ADGRB2: variants seen among roughly 807,000 people sequenced by gnomAD.
ADGRB2 encodes the protein adhesion G protein-coupled receptor B2.
Under a neutral mutation model 178.7 loss-of-function variants are expected in ADGRB2, and 47 were observed. That is an observed-to-expected ratio of 0.26 (90% CI 0.21 to 0.34). The LOEUF is 0.34. Ranked by LOEUF, ADGRB2 falls within the 10% of genes least tolerant of loss-of-function variation. ADGRB2 has a pLI of 1.00. For missense variants in ADGRB2, 1,584 were observed against 2,180.8 expected (o/e 0.73, Z 5.45); for synonymous variants, 870 against 912.4 (o/e 0.95, Z 0.84).
At chr1:31,738,675 C>G (rs765615339) in intron 16 of ADGRB2, 45 bp from the exon 17 acceptor site, 15 of 1,607,924 alleles carry the variant, frequency 9.3e-6, no homozygotes, top group Non-Finnish European at 1.3e-5. Flanking sequence ...GGGAAGCTCA[C>G]CACACCCCAC....
rs532091556 is a variant in ADGRB2, at chr1:31,727,279, C to G, written c.*141G>C. The G allele has an allele frequency of 9.3e-7, 1 of 1,081,062 alleles. No individual in the cohort carries two copies. Among genetic ancestry groups the G allele is most frequent in the Admixed American group, 4.0e-5 (1 of 25,064 alleles). The allele number at this position is 1,081,062 out of a possible 1,614,324, so 67.0% of individuals were successfully genotyped here. On this transcript the variant is annotated 3_prime_UTR_variant, in exon 33 of 33. Coordinates refer to ENST00000373658, the MANE Select transcript of ADGRB2 (RefSeq NM_001364857.2). This position sits in a 1 kb window ranked among gnomAD's most constrained non-coding sequence, Gnocchi z 4.4. The stretch of plus-strand genomic sequence containing the variant: ...CAGGCCAAGCCATGTCCGGCTCCCC[C>G]AGCCTGGCTGAGTCCACGGCGCCTC...
chr1:31,747,075 C>T (rs1646315831), intron 4 of ADGRB2, among the ~76,000 whole-genome samples: 1 of 152,168 alleles, frequency 6.6e-6, no homozygotes, highest in Non-Finnish European at 1.5e-5. Context: ...CATCAGTGTC[C>T]TCCTTGTTGC....
intron 21 of ADGRB2, 80 bp from the exon 22 acceptor site, chr1:31,736,470 G>A (rs1645612938): frequency 1.2e-6 from 2 of 1,602,956 alleles, no homozygotes; most frequent in Admixed American, 1.7e-5. Flanking sequence ...CATCCCAGCT[G>A]ACCCCTGTGC....
chr1:31,744,581 C>T lies in ADGRB2; in HGVS notation c.922+67G>A. 4 of 1,561,750 alleles carry T rather than the reference C, an allele frequency of 2.6e-6. No individual in the cohort carries two copies. The Middle Eastern group carries it at 5.6e-4, about 218-fold the overall frequency. ...CAGAGACAGACAGGCACACACCAAG[C>T]ACACACACCACCAGACGCACACAGT... is the stretch of plus-strand genomic sequence containing the variant. On this transcript the variant is annotated intron_variant, in intron 5 of 32. Coordinates refer to ENST00000373658, the MANE Select transcript of ADGRB2 (RefSeq NM_001364857.2). This position sits in a 1 kb window ranked among gnomAD's most constrained non-coding sequence, Gnocchi z 6.7.
rs1646867439 is a variant in ADGRB2 at position 31,756,945 on chromosome 1, C to T, written c.22-130G>A. ...TCTTTGAAGTGTCACCTGGGTCCAC[C>T]TGTGTGAACTTAGACAAGGGACTTG... On this transcript the variant is annotated intron_variant, in intron 3 of 32. Transcript: ENST00000373658. This position sits in a 1 kb window ranked among gnomAD's most constrained non-coding sequence, Gnocchi z 8.5. 9.0e-7 allele frequency: 1 copy of T among 1,113,044 alleles called. No homozygotes were observed. The highest frequency in any genetic ancestry group is 1.3e-6 in the Non-Finnish European group (1 of 794,016). 68.9% of individuals were successfully genotyped at this position (1,113,044 alleles called of 1,614,324 possible). A position where few individuals can be genotyped will look rare whatever the true frequency, so the allele number is the denominator to read the frequency against.
chr1:31,738,235 T>C lies in ADGRB2; in HGVS notation c.2737A>G (p.Thr913Ala). 6.2e-7 allele frequency: 1 copy of C among 1,614,010 alleles called. No individual in the cohort carries two copies. Among genetic ancestry groups the C allele is most frequent in the Non-Finnish European group, 8.5e-7 (1 of 1,179,990 alleles). ...HTRCQCQHLS[T>A]FAVLAQPPKD... ...GGCGGCTGGGCTAGTACAGCAAAGGTGGACAGGTGCTGGCACTGGCAGCGG... is the reference window on the plus strand; with the variant it reads ...GGCGGCTGGGCTAGTACAGCAAAGGCGGACAGGTGCTGGCACTGGCAGCGG... Residue 913 changes from threonine (T) to alanine (A), a missense_variant, in exon 18 of 33, where the codon ACC (threonine) becomes GCC (alanine). Physicochemically the swap from Thr to Ala is moderately conservative, Grantham distance 58. Transcript: ENST00000373658.
intron 4 of ADGRB2, among the ~76,000 whole-genome samples, chr1:31,745,761 G>A (rs918476918): frequency 6.6e-6 from 1 of 152,192 alleles, no homozygotes; most frequent in Non-Finnish European, 1.5e-5. Context: ...TACTGGACAG[G>A]CACGCTGAGT....
chr1:31,754,887 G>T lies in ADGRB2; in HGVS notation c.838+1112C>A, dbSNP rs551951725. ...GCTCTAGCCAGCAGAGCAGGGCTGG[G>T]GACAGGCCGCTCTCCTCCAGCACTC... On this transcript the variant is annotated intron_variant, in intron 4 of 32. Coordinates refer to ENST00000373658, the MANE Select transcript of ADGRB2 (RefSeq NM_001364857.2). The surrounding 1 kb of genome is among the most constrained non-coding windows in gnomAD (Gnocchi z 5.7). Among the ~76,000 whole-genome samples, 10 of 152,316 alleles carry T rather than the reference G, an allele frequency of 6.6e-5. No individual in the cohort carries two copies. In the East Asian group the frequency reaches 1.9e-3, roughly 29 times the overall value.
rs1646141515 is a variant in ADGRB2 at position 31,744,108 on chromosome 1, C to T, written c.1087+85G>A. ...TTGTTGAATGAAAGGAGGAGGCAAC[C>T]AACCATTTTGGAGATTAATCTGCCC... On this transcript the variant is annotated intron_variant, in intron 6 of 32. Transcript: ENST00000373658. This position sits in a 1 kb window ranked among gnomAD's most constrained non-coding sequence, Gnocchi z 6.7. 4 of 1,430,320 alleles carry T rather than the reference C, an allele frequency of 2.8e-6. No homozygotes were observed. The Admixed American group carries it at 1.2e-4, about 42-fold the overall frequency. 88.6% of individuals were successfully genotyped at this position (1,430,320 alleles called of 1,614,324 possible).
chr1:31,732,396 A>T, intron 27 of ADGRB2, 121 bp downstream of exon 27: 2 of 1,296,812 alleles, frequency 1.5e-6, no homozygotes, highest in South Asian at 2.6e-5. Context: ...CTGAGCCTGA[A>T]TCAAACCCAA....
In ADGRB2 at chr1:31,755,060, G is replaced by C. The variant is rs1646763880; in HGVS notation, c.838+939C>G. Among the ~76,000 whole-genome samples the C allele has an allele frequency of 6.6e-6, 1 of 152,342 alleles. No homozygotes were observed. On this transcript the variant is annotated intron_variant, in intron 4 of 32. Coordinates refer to ENST00000373658, the MANE Select transcript of ADGRB2 (RefSeq NM_001364857.2). The surrounding 1 kb of genome is among the most constrained non-coding windows in gnomAD (Gnocchi z 5.1). The stretch of plus-strand genomic sequence containing the variant: ...CCAAATGGGGAAACTGAGGCCCAGA[G>C]AGAGGAGAGGCCTCCCTGTCGGTAC...
chr1:31,753,462 A>G lies in ADGRB2; in HGVS notation c.838+2537T>C, dbSNP rs1646681660. 6.6e-6 allele frequency among the ~76,000 whole-genome samples: 1 copy of G among 152,198 alleles called. No homozygotes were observed. Among genetic ancestry groups the G allele is most frequent in the Non-Finnish European group, 1.5e-5 (1 of 68,024 alleles). ...CCAGTGCTCTTCCGGTACCAGCCCA[A>G]GCCCACCCTGCTAGGCCTCACTGTG... On this transcript the variant is annotated intron_variant, in intron 4 of 32. Transcript: ENST00000373658. This position sits in a 1 kb window ranked among gnomAD's most constrained non-coding sequence, Gnocchi z 4.1.
In ADGRB2 at chr1:31,753,259, C is replaced by T. The variant is rs537352725; in HGVS notation, c.838+2740G>A. ...CCTTTCTTTTCTTCCTTTTCCCCCACTTAACAGATTGCGGCAGCAAGATGG... is the reference window on the plus strand; with the variant it reads ...CCTTTCTTTTCTTCCTTTTCCCCCATTTAACAGATTGCGGCAGCAAGATGG... On this transcript the variant is annotated intron_variant, in intron 4 of 32. Coordinates refer to ENST00000373658, the MANE Select transcript of ADGRB2 (RefSeq NM_001364857.2). The surrounding 1 kb of genome is among the most constrained non-coding windows in gnomAD (Gnocchi z 4.1). Among the ~76,000 whole-genome samples the T allele has an allele frequency of 6.6e-6, 1 of 152,326 alleles. No homozygotes were observed. Among genetic ancestry groups the T allele is most frequent in the African/African-American group, 2.4e-5 (1 of 41,574 alleles).
At chr1:31,739,193 A>G (rs1179202008) in intron 15 of ADGRB2, 115 bp downstream of exon 15, 8 of 1,159,616 alleles carry the variant, frequency 6.9e-6, no homozygotes, top group Non-Finnish European at 9.5e-6. Context: ...GGGTTCCTGA[A>G]GGTGGAGGAG....
Position 31,732,429 on chromosome 1 carries a change from G to C in ADGRB2, c.3720+88C>G, listed in dbSNP as rs543042795. ...CAATCCCTGTCCCAACCCTGCCATG[G>C]ATGGGGAAGGTAAATGGTCTAGGGC... On this transcript the variant is annotated intron_variant, in intron 27 of 32. Transcript: ENST00000373658. The C allele has an allele frequency of 7.5e-6, 11 of 1,472,572 alleles. No homozygotes were observed. In the East Asian group the frequency reaches 2.6e-4, roughly 34 times the overall value. The allele number at this position is 1,472,572 out of a possible 1,614,324, so 91.2% of individuals were successfully genotyped here. A position where few individuals can be genotyped will look rare whatever the true frequency, so the allele number is the denominator to read the frequency against.
In ADGRB2 at chr1:31,739,301, G is replaced by A. The variant is rs1256708021; in HGVS notation, c.2495+7C>T. 11 of 1,447,642 alleles carry A rather than the reference G, an allele frequency of 7.6e-6. No individual in the cohort carries two copies. The South Asian group carries it at 1.5e-4, about 20-fold the overall frequency. The allele number at this position is 1,447,642 out of a possible 1,614,324, so 89.7% of individuals were successfully genotyped here. A position where few individuals can be genotyped will look rare whatever the true frequency, so the allele number is the denominator to read the frequency against. On this transcript the variant is annotated splice_region_variant and intron_variant, in intron 15 of 32. Transcript: ENST00000373658. ...AGCAGCCCCAGCCACCCATCCCCAG[G>A]ACTCACCTGGGAGGCGGCAGGATGA...
intron 4 of ADGRB2, among the ~76,000 whole-genome samples, chr1:31,749,063 T>G (rs1304092985): frequency 6.6e-6 from 1 of 152,178 alleles, no homozygotes; most frequent in Non-Finnish European, 1.5e-5. Flanking sequence ...CTTCCCTAAT[T>G]TGCATGGGAC....
chr1:31,732,415 C>G, intron 27 of ADGRB2, 102 bp downstream of exon 27: 2 of 1,407,196 alleles, frequency 1.4e-6, no homozygotes, highest in Non-Finnish European at 2.0e-6. Flanking sequence ...AATCCCTGTC[C>G]CAACCCTGCC....
Position 31,727,148 on chromosome 1 carries a change from T to TCCCCTCC in ADGRB2, c.*265_*271dup. The TCCCCTCC allele has an allele frequency of 2.4e-6, 1 of 412,514 alleles. No homozygotes were observed. The highest frequency in any genetic ancestry group is 3.6e-5 in the South Asian group (1 of 27,502). 25.6% of individuals were successfully genotyped at this position (412,514 alleles called of 1,614,324 possible). A position where few individuals can be genotyped will look rare whatever the true frequency, so the allele number is the denominator to read the frequency against. On this transcript the variant is annotated 3_prime_UTR_variant, in exon 33 of 33. Coordinates refer to ENST00000373658, the MANE Select transcript of ADGRB2 (RefSeq NM_001364857.2). The surrounding 1 kb of genome is among the most constrained non-coding windows in gnomAD (Gnocchi z 4.4). Reference sequence around the variant, plus strand: ...GAGTGAAGTTTATTCCCAACAAAGTTCCCCTCCCCCCTCCCCAGCCCGGGA... The same window carrying TCCCCTCC: ...GAGTGAAGTTTATTCCCAACAAAGTTCCCCTCCCCCCTCCCCCCTCCCCAGCCCGGGA...
Sources: gnomAD v4.1 joint callset for allele counts (sites outside exome capture counted in the v4.1 genomes callset) on GRCh38, gnomAD v4.1.1 for gene constraint, Gnocchi (gnomAD v3.1) non-coding constraint, MANE v1.5 for transcripts, NCBI Gene and HGNC (gene_info 2026-07-23, HGNC 2026-07-21) for gene names.